SLC6A2: variants seen among roughly 807,000 people sequenced by gnomAD.
The protein encoded by SLC6A2 is solute carrier family 6 member 2.
SLC6A2 carries 26 observed loss-of-function variants against 71.7 expected under a neutral mutation model. The observed-to-expected ratio is 0.36, with a 90% CI of 0.27 to 0.50. SLC6A2 has a LOEUF of 0.50. SLC6A2 is among the 20% of genes least tolerant of loss of function. The probability of loss-of-function intolerance (pLI) is 0.96; values close to 1 mark genes in which losing one functional copy is unlikely to be tolerated. For synonymous variants in SLC6A2, 363 were observed against 337.9 expected, an observed-to-expected ratio of 1.07 and a Z score of -0.82; for missense variants, 581 against 803.9, an observed-to-expected ratio of 0.72 and a Z score of 3.35.
intron 4 of SLC6A2, among the ~76,000 whole-genome samples, chr16:55,677,959 C>A (rs763334890): frequency 3.3e-5 from 5 of 152,172 alleles, no homozygotes; most frequent in Non-Finnish European, 7.3e-5. Context: ...CCTCACCCGG[C>A]CTACAGGGCT....
At chr16:55,680,323 A>T (rs1247850152) in intron 4 of SLC6A2, among the ~76,000 whole-genome samples, 1 of 152,182 alleles carries the variant, frequency 6.6e-6, no homozygotes, top group East Asian at 1.9e-4. Flanking sequence ...CAGACTAATG[A>T]TATAGATCTC....
At position 55,686,486 on chromosome 16, in the gene SLC6A2, A is replaced by G. The variant is rs531683157; in HGVS notation, c.783+1205A>G. Among the ~76,000 whole-genome samples, 5 of 152,280 alleles carry G rather than the reference A, an allele frequency of 3.3e-5. No individual in the cohort carries two copies. The South Asian group carries it at 8.3e-4, about 25-fold the overall frequency. On this transcript the variant is annotated intron_variant, in intron 5 of 14. Transcript: ENST00000568943. The stretch of plus-strand genomic sequence containing the variant: ...AGTGTTGAGGTAAAACCCACCGTCC[A>G]TATGGGAGGGGATTACACACAGGTG...
rs1964936869 is a variant in SLC6A2 at position 55,672,065 on chromosome 16, C to T, written c.534C>T (p.His178=). 1 of 1,614,222 alleles carries T rather than the reference C, an allele frequency of 6.2e-7. No individual in the cohort carries two copies. The highest frequency in any genetic ancestry group is 1.7e-5 in the Admixed American group (1 of 60,030). The part of the protein sequence containing the change: ...TLNLPWTDCG[H]TWNSPNCTDP... ...ACCTGCCCTGGACCGACTGTGGCCA[C>T]ACCTGGAACAGCCCCAACTGTACCG... The change falls in exon 4 of 15, where the codon CAC becomes CAT. Residue 178 remains histidine, a synonymous_variant. Coordinates refer to ENST00000568943, the MANE Select transcript of SLC6A2 (RefSeq NM_001172501.3).
chr16:55,699,694 G>C lies in SLC6A2; in HGVS notation c.1590+40G>C, dbSNP rs45460691. ...CAGGGAAGTCCTGCATGTGGGGAGG[G>C]GGCTGTGTCCAGGATGGAGCTGGGT... On this transcript the variant is annotated intron_variant, in intron 12 of 14. Coordinates refer to ENST00000568943, the MANE Select transcript of SLC6A2 (RefSeq NM_001172501.3). 7,635 of 1,424,192 alleles carry C rather than the reference G, an allele frequency of 5.4e-3. 32 individuals carry two copies. The highest frequency in any genetic ancestry group is 6.7e-3 in the Non-Finnish European group (6,797 of 1,007,264). The allele number at this position is 1,424,192 out of a possible 1,614,324, so 88.2% of individuals were successfully genotyped here.
intron 8 of SLC6A2, 42 bp from the exon 9 acceptor site, chr16:55,696,183 A>G: frequency 8.2e-7 from 1 of 1,223,298 alleles, no homozygotes; most frequent in Non-Finnish European, 1.2e-6. Flanking sequence ...AGCTCAGACC[A>G]ATGGTTTCAG....
In SLC6A2 at chr16:55,691,989, C is replaced by T. The variant is rs180935423; in HGVS notation, c.855C>T (p.Pro285=). ...FVLLVHGVTL[P]GASNGINAYL... Reference sequence around the variant, plus strand: ...TCCTGGTCCATGGCGTCACGCTGCCCGGAGCCTCCAATGGCATCAATGCCT... The same window carrying T: ...TCCTGGTCCATGGCGTCACGCTGCCTGGAGCCTCCAATGGCATCAATGCCT... The change falls in exon 6 of 15, where the codon CCC becomes CCT. Residue 285 remains proline, a synonymous_variant. Coordinates refer to ENST00000568943, the MANE Select transcript of SLC6A2 (RefSeq NM_001172501.3). 2.0e-5 allele frequency: 33 copies of T among 1,614,182 alleles called. No individual in the cohort carries two copies. The highest frequency in any genetic ancestry group is 1.7e-4 in the Admixed American group (10 of 60,024).
chr16:55,667,238 C>T (rs1396756236), intron 2 of SLC6A2, among the ~76,000 whole-genome samples: 1 of 152,198 alleles, frequency 6.6e-6, no homozygotes, highest in African/African-American at 2.4e-5. Flanking sequence ...GCCCCTTGCC[C>T]TGGCTCTAGA....
chr16:55,656,231 G>T lies in SLC6A2; in HGVS notation c.-52+62G>T. 1 of 216,438 alleles carries T rather than the reference G, an allele frequency of 4.6e-6. No homozygotes were observed. 13.4% of individuals were successfully genotyped at this position (216,438 alleles called of 1,614,324 possible). On this transcript the variant is annotated intron_variant, in intron 1 of 14. Transcript: ENST00000568943. The surrounding 1 kb of genome is among the most constrained non-coding windows in gnomAD (Gnocchi z 4.5). ...GCCTGGGAGGCCCGGGCCGAGACGCGCCAGCAGAGGGCTAGCGAGTTTGTA... is the reference window on the plus strand; with the variant it reads ...GCCTGGGAGGCCCGGGCCGAGACGCTCCAGCAGAGGGCTAGCGAGTTTGTA...
chr16:55,663,667 A>G (rs1240492926), intron 2 of SLC6A2, among the ~76,000 whole-genome samples: 1 of 152,108 alleles, frequency 6.6e-6, no homozygotes, highest in Non-Finnish European at 1.5e-5. Flanking sequence ...CCATCTGTCT[A>G]TCTATTGTTC....
chr16:55,690,016 G>A (rs534070589), intron 5 of SLC6A2, among the ~76,000 whole-genome samples: 22 of 152,170 alleles, frequency 1.4e-4, no homozygotes, highest in African/African-American at 4.3e-4. Flanking sequence ...TGACTTAGTC[G>A]TCCACTAACT....
intron 3 of SLC6A2, among the ~76,000 whole-genome samples, chr16:55,670,690 A>T (rs1383208470): frequency 6.6e-6 from 1 of 152,224 alleles, no homozygotes; most frequent in African/African-American, 2.4e-5. Flanking sequence ...TACCAAAAGC[A>T]AACAAGTAAA....
intron 11 of SLC6A2, 32 bp downstream of exon 11, chr16:55,698,600 C>T: frequency 6.9e-7 from 1 of 1,459,640 alleles, no homozygotes; most frequent in South Asian, 1.1e-5. Context: ...CCTCAGCTCC[C>T]AGTCCTCCTA....
At chr16:55,670,210 A>G in intron 3 of SLC6A2, among the ~76,000 whole-genome samples, 1 of 152,160 alleles carries the variant, frequency 6.6e-6, no homozygotes, top group East Asian at 1.9e-4. Context: ...CTTGGCCCCT[A>G]TACAGCTGGG....
At chr16:55,686,602 AG>A (rs1433355194) in intron 5 of SLC6A2, among the ~76,000 whole-genome samples, 3 of 152,098 alleles carry the variant, frequency 2.0e-5, no homozygotes, top group African/African-American at 7.2e-5. Flanking sequence ...GATTTTGGAA[AG>A]GGGGGGTGCA....
At chr16:55,658,631 G>T (rs1436364032) in intron 2 of SLC6A2, among the ~76,000 whole-genome samples, 1 of 152,186 alleles carries the variant, frequency 6.6e-6, no homozygotes, top group African/African-American at 2.4e-5. Context: ...GGTTGGAGCT[G>T]ACAGATGGAG....
At chr16:55,684,161 A>G (rs1965369260) in intron 4 of SLC6A2, among the ~76,000 whole-genome samples, 1 of 152,072 alleles carries the variant, frequency 6.6e-6, no homozygotes, top group African/African-American at 2.4e-5. Flanking sequence ...TTAGCCAGGC[A>G]TGGTGATGTA....
chr16:55,659,151 C>T (rs1056792976), intron 2 of SLC6A2, among the ~76,000 whole-genome samples: 2 of 152,122 alleles, frequency 1.3e-5, no homozygotes, highest in Non-Finnish European at 2.9e-5. Context: ...GCAGGGGTCA[C>T]GGTCACCAAG....
At chr16:55,669,436 G>T in intron 2 of SLC6A2, 129 bp from the exon 3 acceptor site, 1 of 833,324 alleles carries the variant, frequency 1.2e-6, no homozygotes, top group Non-Finnish European at 2.1e-6. Context: ...AGTATTGATT[G>T]CTGCGCGTCG....
rs1021115777 is a variant in SLC6A2 at position 55,695,421 on chromosome 16, T to A, written c.1147+19T>A. On this transcript the variant is annotated intron_variant, in intron 8 of 14. Coordinates refer to ENST00000568943, the MANE Select transcript of SLC6A2 (RefSeq NM_001172501.3). Reference sequence around the variant, plus strand: ...ACAGAAGGTGGGTGGGCAGCCCACCTGGGCCCCAGCCCACTGAGGCGGGAG... The same window carrying A: ...ACAGAAGGTGGGTGGGCAGCCCACCAGGGCCCCAGCCCACTGAGGCGGGAG... The A allele has an allele frequency of 3.1e-6, 5 of 1,613,942 alleles. No homozygotes were observed. Among genetic ancestry groups the A allele is most frequent in the Non-Finnish European group, 4.2e-6 (5 of 1,179,870 alleles).
Sources: gnomAD v4.1 joint callset for allele counts (sites outside exome capture counted in the v4.1 genomes callset) on GRCh38, gnomAD v4.1.1 for gene constraint, Gnocchi (gnomAD v3.1) non-coding constraint, MANE v1.5 for transcripts, NCBI Gene and HGNC (gene_info 2026-07-23, HGNC 2026-07-21) for gene names.